MACROD2: variants seen among roughly 807,000 people sequenced by gnomAD.
MACROD2 encodes the protein ADP-ribose glycohydrolase MACROD2.
In MACROD2, 36 loss-of-function variants were observed where a neutral mutation model predicts 70.4. That is an observed-to-expected ratio of 0.51 (90% CI 0.39 to 0.68). MACROD2 has a LOEUF of 0.68. Ranked by LOEUF, MACROD2 falls within the 30% of genes least tolerant of loss-of-function variation. MACROD2 has a pLI of 0.00. For synonymous variants in MACROD2, 172 were observed against 178.8 expected (o/e 0.96, Z 0.30); for missense variants, 496 against 538.4 (o/e 0.92, Z 0.78).
chr20:14,712,734 T>G (rs1174621213), intron 5 of MACROD2, among the ~76,000 whole-genome samples: 2 of 152,214 alleles, frequency 1.3e-5, no homozygotes, highest in African/African-American at 4.8e-5. Context: ...TCTCCTAATC[T>G]CTCAACTATT....
chr20:15,743,781 T>C (rs1479839353), intron 8 of MACROD2, among the ~76,000 whole-genome samples: 2 of 152,216 alleles, frequency 1.3e-5, no homozygotes, highest in African/African-American at 2.4e-5. Flanking sequence ...GAGTAATTGC[T>C]TCCATCTCTG....
chr20:15,882,308 A>C (rs1237279533), intron 9 of MACROD2, among the ~76,000 whole-genome samples: 2 of 152,076 alleles, frequency 1.3e-5, no homozygotes, highest in Non-Finnish European at 2.9e-5. Context: ...AAAGTAGACA[A>C]TTTTTTGAGG....
At chr20:15,924,815 T>A (rs1375395786) in intron 10 of MACROD2, among the ~76,000 whole-genome samples, 4 of 152,230 alleles carry the variant, frequency 2.6e-5, no homozygotes, top group Non-Finnish European at 4.4e-5. Flanking sequence ...AAATGTTTCA[T>A]CTTGCCAGTT....
intron 5 of MACROD2, among the ~76,000 whole-genome samples, chr20:15,062,404 A>G (rs76935827): frequency 0.013 from 1,911 of 152,206 alleles, 33 homozygotes; most frequent in African/African-American, 0.044. Context: ...TTCAGGTGAA[A>G]TTCAAATTTA....
At chr20:15,636,571 G>C (rs1351363708) in intron 8 of MACROD2, among the ~76,000 whole-genome samples, 1 of 152,132 alleles carries the variant, frequency 6.6e-6, no homozygotes, top group Non-Finnish European at 1.5e-5. Flanking sequence ...TATATAGTCA[G>C]ATCTTTCAGG....
chr20:15,556,112 T>C (rs1249415859), intron 8 of MACROD2, among the ~76,000 whole-genome samples: 1 of 152,060 alleles, frequency 6.6e-6, no homozygotes, highest in South Asian at 2.1e-4. Flanking sequence ...AGAAGGAAAA[T>C]TAAAATGGGT....
intron 11 of MACROD2, among the ~76,000 whole-genome samples, chr20:15,934,063 A>G (rs1269996519): frequency 1.3e-5 from 2 of 152,206 alleles, no homozygotes; most frequent in Non-Finnish European, 2.9e-5. Flanking sequence ...TAAAAGAATG[A>G]TAGGCACAAT....
intron 4 of MACROD2, among the ~76,000 whole-genome samples, chr20:14,611,444 G>A (rs1490700594): frequency 6.9e-6 from 1 of 145,216 alleles, no homozygotes; most frequent in Non-Finnish European, 1.5e-5. Flanking sequence ...GATCAGCAAT[G>A]CCCTGAGGTT....
intron 5 of MACROD2, among the ~76,000 whole-genome samples, chr20:14,695,117 G>A (rs1191806755): frequency 6.6e-6 from 1 of 151,790 alleles, no homozygotes; most frequent in African/African-American, 2.4e-5. Flanking sequence ...CAACTTGATG[G>A]CCAAAAAAAG....
At chr20:14,785,244 ACT>A (rs2123791749) in intron 5 of MACROD2, among the ~76,000 whole-genome samples, 1 of 151,950 alleles carries the variant, frequency 6.6e-6, no homozygotes, top group South Asian at 2.1e-4. Flanking sequence ...GTCTGGGCTG[ACT>A]CTGAACACTG....
chr20:14,600,071 C>T (rs528265038), intron 4 of MACROD2, among the ~76,000 whole-genome samples: 1 of 152,022 alleles, frequency 6.6e-6, no homozygotes, highest in East Asian at 1.9e-4. Flanking sequence ...ATAGTGCTGC[C>T]ATGATAGGAA....
chr20:15,032,447 T>C (rs1285065966), intron 5 of MACROD2, among the ~76,000 whole-genome samples: 1 of 152,170 alleles, frequency 6.6e-6, no homozygotes, highest in Non-Finnish European at 1.5e-5. Flanking sequence ...TGGAGGTAAT[T>C]CTGCAGGCCG....
At chr20:14,829,320 C>T (rs1217644405) in intron 5 of MACROD2, among the ~76,000 whole-genome samples, 4 of 151,622 alleles carry the variant, frequency 2.6e-5, no homozygotes, top group African/African-American at 7.3e-5. Context: ...TTAGCAGAGA[C>T]GGGGTTTCAC....
intron 3 of MACROD2, among the ~76,000 whole-genome samples, chr20:14,093,032 A>G (rs2054172637): frequency 6.6e-6 from 1 of 152,184 alleles, no homozygotes; most frequent in African/African-American, 2.4e-5. Context: ...TTGTCTAGTT[A>G]CTAATATATA....
chr20:14,176,305 G>T (rs1274151449), intron 3 of MACROD2, among the ~76,000 whole-genome samples: 2 of 152,164 alleles, frequency 1.3e-5, no homozygotes, highest in Non-Finnish European at 2.9e-5. Flanking sequence ...ACATGTAACA[G>T]ATGGCATAAG....
intron 1 of MACROD2, among the ~76,000 whole-genome samples, chr20:13,999,655 A>G (rs189863356): frequency 5.3e-5 from 8 of 152,286 alleles, no homozygotes; most frequent in Middle Eastern, 3.4e-3. Flanking sequence ...TTCCTTATCT[A>G]TAAGTTGGGA....
At chr20:15,533,493 C>A (rs1275398145) in intron 8 of MACROD2, among the ~76,000 whole-genome samples, 2 of 150,856 alleles carry the variant, frequency 1.3e-5, no homozygotes. Context: ...TTTCAGACAA[C>A]AAAAAAACCC....
intron 10 of MACROD2, among the ~76,000 whole-genome samples, chr20:15,911,856 G>A (rs1327033334): frequency 1.3e-5 from 2 of 152,142 alleles, no homozygotes; most frequent in African/African-American, 4.8e-5. Context: ...TTTAAAATTT[G>A]CATGTTGGGC....
chr20:14,401,280 T>C (rs1182912163), intron 3 of MACROD2, among the ~76,000 whole-genome samples: 2 of 152,188 alleles, frequency 1.3e-5, no homozygotes, highest in Non-Finnish European at 2.9e-5. Flanking sequence ...TGTGTCTTTA[T>C]AATAGAATGA....
Sources: allele counts gnomAD v4.1 joint callset (sites outside exome capture counted in the v4.1 genomes callset), GRCh38; gene constraint gnomAD v4.1.1; transcripts MANE v1.5; gene names NCBI Gene and HGNC (gene_info 2026-07-23, HGNC 2026-07-21).